The following GALNT1 variants were observed in gnomAD, a reference collection of about 807,000 sequenced individuals.
GALNT1 encodes GalNAc transferase 1.
In GALNT1, 17 loss-of-function variants were observed where a neutral mutation model predicts 65.7. The observed-to-expected ratio is 0.26, with a 90% CI of 0.18 to 0.39. The LOEUF is 0.39. GALNT1 is among the 10% of genes least tolerant of loss of function. The pLI is 1.00. For missense variants in GALNT1, 460 were observed against 672.8 expected (o/e 0.68, Z 3.50); for synonymous variants, 210 against 219.7 (o/e 0.96, Z 0.39).
chr18:35,585,310 G>T (rs1448547397), intron 1 of GALNT1, among the ~76,000 whole-genome samples: 3 of 152,058 alleles, frequency 2.0e-5, no homozygotes, highest in African/African-American at 7.2e-5. Flanking sequence ...TTCCCAAGAT[G>T]TCCCCTTCTC....
intron 1 of GALNT1, among the ~76,000 whole-genome samples, chr18:35,591,510 G>A (rs1279743504): frequency 1.3e-5 from 2 of 152,210 alleles, no homozygotes; most frequent in African/African-American, 4.8e-5. Flanking sequence ...AAGCTGGACA[G>A]GTAAACCTGT....
At chr18:35,670,918 C>T (rs1180764950) in intron 3 of GALNT1, among the ~76,000 whole-genome samples, 1 of 152,072 alleles carries the variant, frequency 6.6e-6, no homozygotes, top group African/African-American at 2.4e-5. Context: ...TGATATAATT[C>T]AAGACAAAAC....
At chr18:35,677,568 A>G in intron 3 of GALNT1, 23 bp from the exon 4 acceptor site, 1 of 1,584,802 alleles carries the variant, frequency 6.3e-7, no homozygotes, top group Non-Finnish European at 8.6e-7. Flanking sequence ...CACTTTTTAT[A>G]AAGGCATTTG....
chr18:35,611,771 C>A (rs187858728), intron 1 of GALNT1, among the ~76,000 whole-genome samples: 1 of 152,176 alleles, frequency 6.6e-6, no homozygotes, highest in Non-Finnish European at 1.5e-5. Context: ...AATGGTAATA[C>A]GTTGTTGTGG....
intron 1 of GALNT1, among the ~76,000 whole-genome samples, chr18:35,609,842 A>T (rs1409970314): frequency 6.6e-6 from 1 of 152,192 alleles, no homozygotes; most frequent in Admixed American, 6.5e-5. Context: ...CATCCCAAAT[A>T]ATAATTAATG....
At position 35,620,694 on chromosome 18, in the gene GALNT1, GATA is replaced by G. The variant is rs376634049; in HGVS notation, c.-103-33863_-103-33861del. ...TTTGTCTCATTCATCATTGTTTACTGATAATGATGCACATAATTCTAGTTTATT... is the reference window on the plus strand; with the variant it reads ...TTTGTCTCATTCATCATTGTTTACTGATGATGCACATAATTCTAGTTTATT... On this transcript the variant is annotated intron_variant, in intron 1 of 11. Coordinates refer to ENST00000269195, the MANE Select transcript of GALNT1 (RefSeq NM_020474.4). Among the ~76,000 whole-genome samples the G allele has an allele frequency of 1.8e-4, 28 of 151,902 alleles. 1 individual carries two copies. In the East Asian group the frequency reaches 1.9e-3, roughly 11 times the overall value.
At chr18:35,645,343 C>T (rs1352004868) in intron 1 of GALNT1, among the ~76,000 whole-genome samples, 1 of 151,184 alleles carries the variant, frequency 6.6e-6, no homozygotes, top group Non-Finnish European at 1.5e-5. Context: ...CATTCTCCTG[C>T]CTCAGCCTCC....
At chr18:35,641,315 C>T (rs572724370) in intron 1 of GALNT1, among the ~76,000 whole-genome samples, 4 of 152,186 alleles carry the variant, frequency 2.6e-5, no homozygotes, top group Admixed American at 6.5e-5. Flanking sequence ...GGCATGATGG[C>T]GTGTGCCTGT....
At chr18:35,604,083 T>G (rs114887123) in intron 1 of GALNT1, among the ~76,000 whole-genome samples, 1,953 of 152,128 alleles carry the variant, frequency 0.013, 45 homozygotes, top group African/African-American at 0.045. Context: ...CCTCCCACCC[T>G]TCACCCTCAA....
At chr18:35,618,152 A>C (rs557312862) in intron 1 of GALNT1, among the ~76,000 whole-genome samples, 4 of 152,206 alleles carry the variant, frequency 2.6e-5, no homozygotes, top group African/African-American at 9.6e-5. Context: ...GCAATGAGAT[A>C]GCATTATGTG....
chr18:35,702,552 GTTC>G (rs1344600335), intron 9 of GALNT1, among the ~76,000 whole-genome samples: 1 of 152,082 alleles, frequency 6.6e-6, no homozygotes, highest in Non-Finnish European at 1.5e-5. Context: ...CAGAATTAAT[GTTC>G]TTGTCTTGAT....
chr18:35,709,253 C>T (rs1652298225), intron 11 of GALNT1, among the ~76,000 whole-genome samples: 1 of 152,104 alleles, frequency 6.6e-6, no homozygotes, highest in South Asian at 2.1e-4. Context: ...CTAATCTGGT[C>T]TTTTTTTGTT....
intron 2 of GALNT1, among the ~76,000 whole-genome samples, chr18:35,656,874 T>C (rs905881497): frequency 6.6e-6 from 1 of 152,080 alleles, no homozygotes; most frequent in African/African-American, 2.4e-5. Context: ...AAAATGACAC[T>C]GGAGATGGAG....
intron 4 of GALNT1, among the ~76,000 whole-genome samples, chr18:35,682,038 A>G (rs532618605): frequency 6.6e-6 from 1 of 152,284 alleles, no homozygotes; most frequent in East Asian, 1.9e-4. Context: ...GTTAACAGTT[A>G]CTACAAAATG....
At chr18:35,673,815 G>A (rs967017727) in intron 3 of GALNT1, among the ~76,000 whole-genome samples, 2 of 152,194 alleles carry the variant, frequency 1.3e-5, no homozygotes, top group African/African-American at 4.8e-5. Flanking sequence ...TTTCTGAATT[G>A]TTAGGTACAG....
chr18:35,591,036 A>G (rs2046437485), intron 1 of GALNT1, among the ~76,000 whole-genome samples: 1 of 152,192 alleles, frequency 6.6e-6, no homozygotes, highest in Non-Finnish European at 1.5e-5. Flanking sequence ...ATAGGAAATA[A>G]GGGTAACATG....
chr18:35,633,090 C>T (rs1206113109), intron 1 of GALNT1, among the ~76,000 whole-genome samples: 1 of 152,104 alleles, frequency 6.6e-6, no homozygotes, highest in Non-Finnish European at 1.5e-5. Context: ...TTTTACACTG[C>T]TGGTGGGACT....
chr18:35,687,087 T>C lies in GALNT1; in HGVS notation c.761T>C (p.Met254Thr), dbSNP rs752783575. ...DTFEYMAGSD[M>T]TYGGFNWKLN... ...TTTGAGTACATGGCAGGCTCTGATA[T>C]GACCTATGGTGGGTTCAACTGGAAG... Residue 254 changes from methionine (M) to threonine (T), a missense_variant, in exon 6 of 12, where the codon ATG (methionine) becomes ACG (threonine). Physicochemically the swap from Met to Thr is moderately conservative, Grantham distance 81. Transcript: ENST00000269195. 1.2e-6 allele frequency: 2 copies of C among 1,613,960 alleles called. No homozygotes were observed. The highest frequency in any genetic ancestry group is 8.5e-7 in the Non-Finnish European group (1 of 1,179,860).
rs925479877 is a variant in GALNT1, at chr18:35,710,304, A to G, written c.*534A>G. The G allele has an allele frequency of 6.5e-6, 1 of 152,970 alleles. No homozygotes were observed. The highest frequency in any genetic ancestry group is 2.4e-5 in the African/African-American group (1 of 41,458). The allele number at this position is 152,970 out of a possible 1,614,324, so 9.5% of individuals were successfully genotyped here. On this transcript the variant is annotated 3_prime_UTR_variant, in exon 12 of 12. Transcript: ENST00000269195. ...CTATATTAAACAGGGTTTAAAGGAA[A>G]TTAAAACAGAACTATGAGAAGTACA...
Sources: allele counts gnomAD v4.1 joint callset (sites outside exome capture counted in the v4.1 genomes callset), GRCh38; gene constraint gnomAD v4.1.1; transcripts MANE v1.5; gene names NCBI Gene and HGNC (gene_info 2026-07-23, HGNC 2026-07-21).